Variants in FAF1 observed in about 807,000 individuals in gnomAD.
FAF1 encodes the protein FAS-associated factor 1.
Under a neutral mutation model 92.5 loss-of-function variants are expected in FAF1, and 25 were observed. That is an observed-to-expected ratio of 0.27 (90% CI 0.20 to 0.38). The LOEUF is 0.38. Among genes scored for constraint, FAF1 ranks in the 10% least tolerant of loss-of-function variants. The pLI is 1.00. For synonymous variants in FAF1, 234 were observed against 273.2 expected (o/e 0.86, Z 1.42); for missense variants, 636 against 793.3 (o/e 0.80, Z 2.38).
intron 1 of FAF1, among the ~76,000 whole-genome samples, chr1:50,904,113 A>C (rs1222115902): frequency 1.3e-5 from 2 of 152,240 alleles, no homozygotes; most frequent in African/African-American, 4.8e-5. Flanking sequence ...CGAAAGGTGG[A>C]AACAACCTAA....
chr1:50,743,835 G>C (rs1181999396), intron 5 of FAF1, among the ~76,000 whole-genome samples: 1 of 151,814 alleles, frequency 6.6e-6, no homozygotes, highest in Non-Finnish European at 1.5e-5. Context: ...CACTTTGGAA[G>C]GCCGAGGCAG....
intron 6 of FAF1, among the ~76,000 whole-genome samples, chr1:50,734,926 T>C (rs12087177): frequency 0.011 from 1,616 of 152,180 alleles, 24 homozygotes; most frequent in African/African-American, 0.037. Flanking sequence ...AGGGAGAAGG[T>C]ACAATAAGAA....
In FAF1 at chr1:50,539,581, A is replaced by G. The variant is rs764380727; in HGVS notation, c.1405+11T>C. 9 of 1,607,982 alleles carry G rather than the reference A, an allele frequency of 5.6e-6. No homozygotes were observed. The highest frequency in any genetic ancestry group is 7.7e-6 in the Non-Finnish European group (9 of 1,176,280). ...AGGAAGGCTTTACTCTCCTTGTGAC[A>G]TGTACTTTACCTTGTATCACATTCA... On this transcript the variant is annotated intron_variant, in intron 14 of 18. Transcript: ENST00000396153.
intron 8 of FAF1, among the ~76,000 whole-genome samples, chr1:50,624,563 T>C (rs1445274075): frequency 6.6e-6 from 1 of 151,982 alleles, no homozygotes; most frequent in Admixed American, 6.5e-5. Context: ...TAAGCAGATA[T>C]GAAAAAAATG....
chr1:50,511,160 G>C (rs1481430264), intron 15 of FAF1, among the ~76,000 whole-genome samples: 1 of 152,166 alleles, frequency 6.6e-6, no homozygotes, highest in East Asian at 1.9e-4. Flanking sequence ...AATTAGTGAT[G>C]GCAGTTGAGG....
chr1:50,656,902 A>T (rs934526335), intron 7 of FAF1, among the ~76,000 whole-genome samples: 3 of 152,102 alleles, frequency 2.0e-5, no homozygotes, highest in African/African-American at 7.2e-5. Flanking sequence ...TAATAAAAAT[A>T]AAAATAAAAT....
intron 13 of FAF1, among the ~76,000 whole-genome samples, chr1:50,545,561 A>AT (rs1158585552): frequency 1.3e-5 from 2 of 152,074 alleles, no homozygotes; most frequent in East Asian, 3.9e-4. Context: ...GTGAGCCACC[A>AT]TGCCCACCTA....
chr1:50,706,137 AG>A (rs1331815371), intron 6 of FAF1: 26 of 386,450 alleles, frequency 6.7e-5, no homozygotes, highest in Non-Finnish European at 1.2e-4. Flanking sequence ...TGTATACTTA[AG>A]AATTTTCTAC....
intron 8 of FAF1, among the ~76,000 whole-genome samples, chr1:50,626,611 A>G (rs1268127757): frequency 6.6e-6 from 1 of 152,194 alleles, no homozygotes; most frequent in Admixed American, 6.5e-5. Flanking sequence ...AGAAGTAAGC[A>G]AGAATCAGAC....
chr1:50,796,609 G>A (rs1270850529), intron 3 of FAF1, among the ~76,000 whole-genome samples: 1 of 152,008 alleles, frequency 6.6e-6, no homozygotes, highest in Non-Finnish European at 1.5e-5. Context: ...GCCTGGAATG[G>A]GAATCATGAC....
intron 1 of FAF1, among the ~76,000 whole-genome samples, chr1:50,935,366 C>A (rs1645077688): frequency 6.6e-6 from 1 of 152,076 alleles, no homozygotes; most frequent in Admixed American, 6.6e-5. Flanking sequence ...ACTAGCATGT[C>A]AAGAATATAA....
At chr1:50,597,569 TA>T (rs1354747572) in intron 8 of FAF1, among the ~76,000 whole-genome samples, 16 of 152,276 alleles carry the variant, frequency 1.1e-4, no homozygotes, top group Admixed American at 7.2e-4. Context: ...TCCAATTAAA[TA>T]ATTTGACAAT....
intron 2 of FAF1, among the ~76,000 whole-genome samples, chr1:50,838,778 C>T (rs1438325598): frequency 6.6e-6 from 1 of 151,948 alleles, no homozygotes; most frequent in East Asian, 1.9e-4. Flanking sequence ...CTATAAAGAA[C>T]ACATCACTAT....
intron 6 of FAF1, among the ~76,000 whole-genome samples, chr1:50,724,300 C>CACACACACACACACAT (rs1658547905): frequency 2.3e-5 from 3 of 131,528 alleles, no homozygotes; most frequent in Non-Finnish European, 4.8e-5. Flanking sequence ...CACACATACA[C>CACACACACACACACAT]ACACACACAC....
chr1:50,502,677 T>G (rs1018595931), intron 15 of FAF1, among the ~76,000 whole-genome samples: 1 of 152,212 alleles, frequency 6.6e-6, no homozygotes, highest in Non-Finnish European at 1.5e-5. Context: ...TAGCTAATAA[T>G]AAAGTGTTGG....
At chr1:50,836,951 C>CTTTTTTTTTTTTTTTTTTTTTT (rs528322924) in intron 2 of FAF1, among the ~76,000 whole-genome samples, 1 of 76,706 alleles carries the variant, frequency 1.3e-5, no homozygotes, top group Admixed American at 1.9e-4. Flanking sequence ...TGTTATGTTT[C>CTTTTTTTTTTTTTTTTTTTTTT]TTTTTTTTTT....
Position 50,655,462 on chromosome 1 carries a change from T to C in FAF1, c.724A>G (p.Thr242Ala). ...CTTACTGAGTCGTCTGTAGCAGAAG[T>C]TGGCCAGCCCTCCCATAATTGGTGG... is the stretch of plus-strand genomic sequence containing the variant. ...VRHQLWEGWP[T>A]SATDDSMCLA... The change falls in exon 8 of 19, where the codon ACT (threonine) becomes GCT (alanine). Residue 242 changes from threonine (T) to alanine (A), a missense_variant. This residue lies in a region of FAF1 where 317 missense variants were observed against 342.4 expected (regional missense o/e 0.93). Coordinates refer to ENST00000396153, the MANE Select transcript of FAF1 (RefSeq NM_007051.3). 2 of 1,613,516 alleles carry C rather than the reference T, an allele frequency of 1.2e-6. No homozygotes were observed. The highest frequency in any genetic ancestry group is 1.7e-6 in the Non-Finnish European group (2 of 1,179,378).
chr1:50,588,010 G>A (rs974593423), intron 9 of FAF1, among the ~76,000 whole-genome samples: 7 of 152,306 alleles, frequency 4.6e-5, no homozygotes, highest in South Asian at 4.1e-4. Context: ...ATGTCAGCCA[G>A]GCATGGTGGC....
intron 1 of FAF1, among the ~76,000 whole-genome samples, chr1:50,940,993 G>C (rs571467368): frequency 1.0e-4 from 15 of 150,692 alleles, no homozygotes; most frequent in Non-Finnish European, 1.9e-4. Flanking sequence ...AGATAAAGAA[G>C]GGATCAAAAA....
Sources: gnomAD v4.1 joint callset for allele counts (sites outside exome capture counted in the v4.1 genomes callset) on GRCh38, gnomAD v4.1.1 for gene constraint, gnomAD v4.1.1 regional missense constraint, MANE v1.5 for transcripts, NCBI Gene and HGNC (gene_info 2026-07-23, HGNC 2026-07-21) for gene names.